DMD: variants seen among roughly 807,000 people sequenced by gnomAD.
DMD encodes dystrophin, also known as mutant dystrophin.
In DMD, 63 loss-of-function variants were observed where a neutral mutation model predicts 330.1. That is an observed-to-expected ratio of 0.19 (90% confidence interval 0.16 to 0.24). The LOEUF (loss-of-function observed/expected upper bound fraction) is 0.24. Ranked by LOEUF, DMD falls within the 10% of genes least tolerant of loss-of-function variation. DMD has a pLI of 1.00. For missense variants in DMD, 3,344 were observed against 2,684.1 expected, an observed-to-expected ratio of 1.25 and a Z score of -5.43; for synonymous variants, 1,223 against 959.8, an observed-to-expected ratio of 1.27 and a Z score of -5.07.
intron 64 of DMD, among the ~76,000 whole-genome samples, chrX:31,221,441 T>C (rs888508922): frequency 2.7e-5 from 3 of 112,430 alleles, no homozygotes; most frequent in African/African-American, 9.7e-5. Context: ...CATGCTCTTC[T>C]TTCTGACTAG....
intron 59 of DMD, among the ~76,000 whole-genome samples, chrX:31,453,012 C>A (rs1330875691): frequency 1.8e-5 from 2 of 112,033 alleles, no homozygotes; most frequent in Non-Finnish European, 3.8e-5. Context: ...AAACAAATCA[C>A]CTGACTAAAA....
chrX:33,107,262 A>T (rs1198862457), intron 1 of DMD, among the ~76,000 whole-genome samples: 2 of 99,658 alleles, frequency 2.0e-5, no homozygotes, highest in African/African-American at 3.6e-5. Flanking sequence ...CAGTGAGCCG[A>T]GATGGCATCA....
intron 44 of DMD, among the ~76,000 whole-genome samples, chrX:32,208,604 G>T (rs2097081004): frequency 8.9e-6 from 1 of 111,798 alleles, no homozygotes; most frequent in South Asian, 3.7e-4. Context: ...CCCACCATTT[G>T]TCCTAGGCCA....
At chrX:33,184,899 T>G (rs901672591) in intron 1 of DMD, among the ~76,000 whole-genome samples, 17 of 109,023 alleles carry the variant, frequency 1.6e-4, no homozygotes, top group African/African-American at 5.3e-4. Flanking sequence ...AATTTTTGTA[T>G]TTTTACTAGA....
chrX:32,949,391 T>TAGACAGAC (rs1185901672), intron 2 of DMD, among the ~76,000 whole-genome samples: 7 of 76,373 alleles, frequency 9.2e-5, no homozygotes, highest in African/African-American at 3.4e-4. Context: ...GATAGATAGA[T>TAGACAGAC]AGACAGACAG....
At chrX:33,190,311 A>G (rs753466685) in intron 1 of DMD, among the ~76,000 whole-genome samples, 29 of 105,887 alleles carry the variant, frequency 2.7e-4, no homozygotes, top group Non-Finnish European at 5.4e-4. Flanking sequence ...TGTGAGCTCA[A>G]TTCATAACTA....
intron 59 of DMD, among the ~76,000 whole-genome samples, chrX:31,470,056 A>C (rs186481564): frequency 6.0e-4 from 66 of 110,552 alleles, no homozygotes; most frequent in African/African-American, 2.1e-3. Flanking sequence ...TGGTTATTCT[A>C]GTTAGCAATT....
intron 63 of DMD, among the ~76,000 whole-genome samples, chrX:31,231,151 T>C (rs1341972897): frequency 1.8e-5 from 2 of 110,637 alleles, no homozygotes; most frequent in Admixed American, 1.9e-4. Context: ...TCATTATATA[T>C]AAAACATACA....
rs1160302 is a variant in DMD at position 32,284,983 on chromosome X, T to C, written c.6290+2546A>G. Among the ~76,000 whole-genome samples, 814 of 111,839 alleles carry C rather than the reference T, an allele frequency of 7.3e-3. 7 individuals carry two copies. Among genetic ancestry groups the C allele is most frequent in the African/African-American group, 0.026 (798 of 30,788 alleles). On this transcript the variant is annotated intron_variant, in intron 43 of 78. Transcript: ENST00000357033. Reference sequence around the variant, plus strand: ...AGCGACCCTCTCTGTGGAATGGCGTTAGTGTTTCTGTTTAAGTCTAAGGTG... The same window carrying C: ...AGCGACCCTCTCTGTGGAATGGCGTCAGTGTTTCTGTTTAAGTCTAAGGTG...
At chrX:32,088,570 A>G (rs2096455540) in intron 44 of DMD, among the ~76,000 whole-genome samples, 1 of 109,735 alleles carries the variant, frequency 9.1e-6, no homozygotes, top group African/African-American at 3.3e-5. Context: ...TTTCCTAAGT[A>G]GTTTCGTAAT....
At chrX:32,812,804 A>G (rs1281095427) in intron 6 of DMD, among the ~76,000 whole-genome samples, 1 of 111,880 alleles carries the variant, frequency 8.9e-6, no homozygotes, top group Non-Finnish European at 1.9e-5. Flanking sequence ...AAATTGGATA[A>G]TGCCTTTGTT....
intron 55 of DMD, among the ~76,000 whole-genome samples, chrX:31,510,407 G>A (rs187547068): frequency 1.7e-3 from 190 of 110,781 alleles, no homozygotes; most frequent in African/African-American, 5.6e-3. Flanking sequence ...AGTGACTGTT[G>A]AGGGAAAAGC....
intron 9 of DMD, among the ~76,000 whole-genome samples, chrX:32,694,411 C>G (rs2063497918): frequency 9.0e-6 from 1 of 111,724 alleles, no homozygotes; most frequent in African/African-American, 3.3e-5. Context: ...AAACCTGTTC[C>G]TTCTACAGTC....
At chrX:31,123,180 C>A (rs1425308737) in intron 78 of DMD, among the ~76,000 whole-genome samples, 1 of 111,658 alleles carries the variant, frequency 9.0e-6, no homozygotes, top group Non-Finnish European at 1.9e-5. Flanking sequence ...GATTCACGGG[C>A]AGGCACTTAA....
chrX:32,983,753 A>G (rs959987396), intron 2 of DMD, among the ~76,000 whole-genome samples: 1 of 111,727 alleles, frequency 9.0e-6, no homozygotes, highest in African/African-American at 3.2e-5. Flanking sequence ...AATTATCTCC[A>G]TAAAATGTCA....
In DMD at chrX:32,883,823, CAAAAAAAAAA is replaced by C. The variant is rs56150142; in HGVS notation, c.94-34013_94-34004del. On this transcript the variant is annotated intron_variant, in intron 2 of 78. Transcript: ENST00000357033. ...TGGGTGACAGAGCAAGACTCTGTTT[CAAAAAAAAAA>C]AAAAAAAAAAAAAAAAAAGAAAATG... Among the ~76,000 whole-genome samples, 260 of 30,338 alleles carry C rather than the reference CAAAAAAAAAA, an allele frequency of 8.6e-3. 1 individual carries two copies. The highest frequency in any genetic ancestry group is 0.032 in the African/African-American group (225 of 6,967). 26.3% of individuals were successfully genotyped at this position (30,338 alleles called of 115,157 possible). A position where few individuals can be genotyped will look rare whatever the true frequency, so the allele number is the denominator to read the frequency against.
chrX:32,190,432 AG>A (rs1251647580), intron 44 of DMD, among the ~76,000 whole-genome samples: 3 of 107,326 alleles, frequency 2.8e-5, no homozygotes, highest in African/African-American at 1.0e-4. Context: ...ATTAAGTATA[AG>A]CTTAGTGAGT....
intron 62 of DMD, among the ~76,000 whole-genome samples, chrX:31,305,968 T>A (rs1319617182): frequency 2.7e-5 from 3 of 112,396 alleles, no homozygotes; most frequent in Non-Finnish European, 5.6e-5. Context: ...ACATATTGTC[T>A]GGCAAAATAT....
At chrX:31,792,966 C>A (rs2091645444) in intron 50 of DMD, among the ~76,000 whole-genome samples, 1 of 111,175 alleles carries the variant, frequency 9.0e-6, no homozygotes, top group Non-Finnish European at 1.9e-5. Context: ...GTCACATGAA[C>A]AAATTGAAGG....
Sources: allele counts gnomAD v4.1 joint callset (sites outside exome capture counted in the v4.1 genomes callset), GRCh38; gene constraint gnomAD v4.1.1; transcripts MANE v1.5; gene names NCBI Gene and HGNC (gene_info 2026-07-23, HGNC 2026-07-21).